The following ERC1 variants were observed in gnomAD, a reference collection of about 807,000 sequenced individuals.
ERC1 encodes the protein RAB6 interacting protein 2.
Under a neutral mutation model 132.0 loss-of-function variants are expected in ERC1, and 56 were observed. That is an observed-to-expected ratio of 0.42 (90% confidence interval 0.34 to 0.53). The LOEUF (loss-of-function observed/expected upper bound fraction) is 0.53, where lower values mean the gene tolerates loss of function less well. Among genes scored for constraint, ERC1 ranks in the 20% least tolerant of loss-of-function variants. The probability of loss-of-function intolerance (pLI) is 0.03; values close to 1 mark genes in which losing one functional copy is unlikely to be tolerated. For synonymous variants in ERC1, 478 were observed against 476.1 expected (o/e 1.00, Z -0.05); for missense variants, 1,202 against 1,349.9 (o/e 0.89, Z 1.72).
chr12:1,321,402 T>C (rs1242228736), intron 15 of ERC1, among the ~76,000 whole-genome samples: 1 of 152,178 alleles, frequency 6.6e-6, no homozygotes. Flanking sequence ...AGGTAGCAAT[T>C]GCCTGTTGTA....
At chr12:1,181,783 C>CAAAAA in intron 9 of ERC1, 142 bp from the exon 10 acceptor site, 7 of 699,786 alleles carry the variant, frequency 1.0e-5, no homozygotes, top group Non-Finnish European at 1.3e-5. Context: ...AACTCTGTCT[C>CAAAAA]AAAAAAAAAA....
intron 13 of ERC1, among the ~76,000 whole-genome samples, chr12:1,260,204 C>G (rs2077057987): frequency 6.6e-6 from 1 of 152,136 alleles, no homozygotes; most frequent in African/African-American, 2.4e-5. Flanking sequence ...ATACAGAATT[C>G]TAGATTGGTA....
chr12:1,027,609 A>G, intron 1 of ERC1, 139 bp from the exon 2 acceptor site: 2 of 365,436 alleles, frequency 5.5e-6, no homozygotes, highest in Non-Finnish European at 1.0e-5. Context: ...TGAGTACATT[A>G]TGCTGTAATC....
chr12:1,201,584 TG>T (rs998270336), intron 12 of ERC1, among the ~76,000 whole-genome samples: 1 of 152,188 alleles, frequency 6.6e-6, no homozygotes. Flanking sequence ...CTTGGCAAAA[TG>T]GGCTTTATGA....
intron 14 of ERC1, among the ~76,000 whole-genome samples, chr12:1,279,712 G>A (rs1051534963): frequency 3.4e-5 from 5 of 147,866 alleles, no homozygotes; most frequent in East Asian, 3.9e-4. Flanking sequence ...TTTTTGAGAC[G>A]GAGTCTCGCT....
At chr12:1,367,811 A>C (rs903664683) in intron 15 of ERC1, among the ~76,000 whole-genome samples, 17 of 152,146 alleles carry the variant, frequency 1.1e-4, no homozygotes, top group African/African-American at 3.9e-4. Context: ...TTAAAGCACC[A>C]GGGATAGAGT....
intron 13 of ERC1, among the ~76,000 whole-genome samples, chr12:1,262,753 GCTGT>G (rs2077220818): frequency 6.6e-6 from 1 of 152,154 alleles, no homozygotes; most frequent in South Asian, 2.1e-4. Context: ...TGCCACCTCT[GCTGT>G]CTAACACAGT....
intron 16 of ERC1, among the ~76,000 whole-genome samples, chr12:1,384,950 A>C (rs1024890625): frequency 1.3e-5 from 2 of 152,236 alleles, no homozygotes; most frequent in African/African-American, 4.8e-5. Context: ...GGCCTACCTA[A>C]CTTTTAACAA....
intron 12 of ERC1, among the ~76,000 whole-genome samples, chr12:1,207,240 A>G (rs1594220096): frequency 6.6e-6 from 1 of 152,178 alleles, no homozygotes; most frequent in African/African-American, 2.4e-5. Context: ...CTAAAACCTC[A>G]TCATAAGATA....
rs541645394 is a variant in ERC1 at position 1,130,593 on chromosome 12, C to T, written c.1570-11027C>T. Reference sequence around the variant, plus strand: ...AAGGGAAAATGAGTGAAGGTATCAACATTAATTTTTCAGAATATAAATTTG... The same window carrying T: ...AAGGGAAAATGAGTGAAGGTATCAATATTAATTTTTCAGAATATAAATTTG... On this transcript the variant is annotated intron_variant, in intron 7 of 18. Transcript: ENST00000360905. Among the ~76,000 whole-genome samples, 6 of 148,898 alleles carry T rather than the reference C, an allele frequency of 4.0e-5. No homozygotes were observed. In the South Asian group the frequency reaches 1.3e-3, roughly 32 times the overall value.
At chr12:1,380,276 G>C (rs1212846004) in intron 16 of ERC1, 1 of 152,154 alleles carries the variant, frequency 6.6e-6, no homozygotes, top group Non-Finnish European at 1.5e-5. Context: ...TTTCCTTTGG[G>C]GTGGAGCAGC....
intron 16 of ERC1, among the ~76,000 whole-genome samples, chr12:1,381,866 C>T (rs115203003): frequency 3.7e-3 from 556 of 152,198 alleles, no homozygotes; most frequent in African/African-American, 0.013. Flanking sequence ...TTTTCATTCA[C>T]GTATTCATTT....
intron 13 of ERC1, among the ~76,000 whole-genome samples, chr12:1,255,346 T>C (rs2076728359): frequency 6.6e-6 from 1 of 152,208 alleles, no homozygotes; most frequent in Non-Finnish European, 1.5e-5. Context: ...AGTCTATCGC[T>C]GATGGACATT....
At chr12:1,141,871 G>T in intron 8 of ERC1, 84 bp downstream of exon 8, 1 of 1,110,186 alleles carries the variant, frequency 9.0e-7, no homozygotes, top group Non-Finnish European at 1.2e-6. Context: ...AATGCTGTCA[G>T]AGTTTCTTGC....
At chr12:1,140,418 T>C (rs1181680678) in intron 7 of ERC1, among the ~76,000 whole-genome samples, 1 of 152,186 alleles carries the variant, frequency 6.6e-6, no homozygotes, top group Non-Finnish European at 1.5e-5. Context: ...ATTATACTTA[T>C]GCTTACTGGT....
rs566231915 is a variant in ERC1, at chr12:994,700, T to C, written c.-157+3378T>C. Among the ~76,000 whole-genome samples, 22 of 152,328 alleles carry C rather than the reference T, an allele frequency of 1.4e-4. 1 individual carries two copies. In the South Asian group the frequency reaches 4.6e-3, roughly 32 times the overall value. On this transcript the variant is annotated intron_variant, in intron 1 of 18. Transcript: ENST00000360905. The stretch of plus-strand genomic sequence containing the variant: ...TTAAATACATATTATGTACCACATA[T>C]TCTAGATGCTGGTATCATAGTAGTG...
intron 13 of ERC1, among the ~76,000 whole-genome samples, chr12:1,242,992 C>T (rs1206413800): frequency 6.6e-6 from 1 of 151,288 alleles, no homozygotes; most frequent in Non-Finnish European, 1.5e-5. Flanking sequence ...TCGAGACCAT[C>T]CTGGCTAACA....
chr12:1,239,114 TTTATTTAC>T (rs1401596991), intron 13 of ERC1, among the ~76,000 whole-genome samples: 2 of 152,234 alleles, frequency 1.3e-5, no homozygotes, highest in Non-Finnish European at 2.9e-5. Flanking sequence ...TGTTTATTTA[TTTATTTAC>T]TTATTTGACA....
intron 18 of ERC1, among the ~76,000 whole-genome samples, chr12:1,451,150 A>AT (rs887990829): frequency 3.9e-5 from 6 of 152,142 alleles, no homozygotes; most frequent in South Asian, 2.1e-4. Flanking sequence ...CGATGCACAC[A>AT]TTTTTTTATT....
Sources: gnomAD v4.1 joint callset for allele counts (sites outside exome capture counted in the v4.1 genomes callset) on GRCh38, gnomAD v4.1.1 for gene constraint, MANE v1.5 for transcripts, NCBI Gene and HGNC (gene_info 2026-07-23, HGNC 2026-07-21) for gene names.